The following RALYL variants were observed in gnomAD, a reference collection of about 807,000 sequenced individuals.
RALYL encodes RNA-binding Raly-like protein.
Under a neutral mutation model 35.1 loss-of-function variants are expected in RALYL, and 29 were observed. The observed-to-expected ratio is 0.83, with a 90% CI of 0.61 to 1.13. RALYL has a LOEUF of 1.13. Among genes scored for constraint, RALYL ranks in the 50% most tolerant of loss-of-function variants. The pLI is 0.00. For missense variants in RALYL, 359 were observed against 360.4 expected, an observed-to-expected ratio of 1.00 and a Z score of 0.03; for synonymous variants, 120 against 127.6, an observed-to-expected ratio of 0.94 and a Z score of 0.40.
At position 84,463,250 on chromosome 8, in the gene RALYL, C is replaced by G. The variant is rs375971172; in HGVS notation, c.-23-66049C>G. Among the ~76,000 whole-genome samples the G allele has an allele frequency of 3.3e-5, 5 of 152,118 alleles. No individual in the cohort carries two copies. The East Asian group carries it at 5.8e-4, about 18-fold the overall frequency. On this transcript the variant is annotated intron_variant, in intron 1 of 8. Transcript: ENST00000521268. Reference sequence around the variant, plus strand: ...AGTTACAGACAATTGCTCTAGAGGTCTTCCATTAAGTGTAGTGTAAAATGG... The same window carrying G: ...AGTTACAGACAATTGCTCTAGAGGTGTTCCATTAAGTGTAGTGTAAAATGG...
intron 1 of RALYL, among the ~76,000 whole-genome samples, chr8:84,438,393 T>C (rs1420159957): frequency 2.0e-5 from 3 of 151,984 alleles, no homozygotes; most frequent in Non-Finnish European, 4.4e-5. Flanking sequence ...CTTATTTATT[T>C]ATTTATTTAT....
rs148484080 is a variant in RALYL, at chr8:84,574,331, G to T, written c.256+44754G>T. Reference sequence around the variant, plus strand: ...TGAACTCACCTTTATAGCTCCCACAGTTGTTCTTTGGCTGGCCTTCTGAAG... The same window carrying T: ...TGAACTCACCTTTATAGCTCCCACATTTGTTCTTTGGCTGGCCTTCTGAAG... On this transcript the variant is annotated intron_variant, in intron 2 of 8. Coordinates refer to ENST00000521268, the MANE Select transcript of RALYL (RefSeq NM_173848.7). Among the ~76,000 whole-genome samples the T allele has an allele frequency of 1.9e-3, 289 of 152,076 alleles. 1 individual carries two copies. Among genetic ancestry groups the T allele is most frequent in the African/African-American group, 4.0e-3 (165 of 41,518 alleles).
chr8:84,758,679 C>T (rs1376724669), intron 2 of RALYL, among the ~76,000 whole-genome samples: 1 of 152,108 alleles, frequency 6.6e-6, no homozygotes, highest in Non-Finnish European at 1.5e-5. Flanking sequence ...GAAGGGTAAA[C>T]ACAAGTGCAC....
At chr8:84,754,358 T>C (rs1003847680) in intron 2 of RALYL, among the ~76,000 whole-genome samples, 1 of 152,180 alleles carries the variant, frequency 6.6e-6, no homozygotes, top group Non-Finnish European at 1.5e-5. Flanking sequence ...CTCATGCTGG[T>C]TGTAGGTGGG....
At chr8:84,904,023 G>T (rs571793061) in intron 8 of RALYL, among the ~76,000 whole-genome samples, 46 of 152,202 alleles carry the variant, frequency 3.0e-4, no homozygotes, top group Non-Finnish European at 4.7e-4. Context: ...CTTTTGGGGA[G>T]AAAGGGTTGC....
intron 2 of RALYL, among the ~76,000 whole-genome samples, chr8:84,715,325 A>G (rs1479660100): frequency 2.0e-5 from 3 of 151,882 alleles, no homozygotes; most frequent in African/African-American, 7.2e-5. Context: ...AATTTGTGAT[A>G]CTTCATTTTT....
intron 1 of RALYL, among the ~76,000 whole-genome samples, chr8:84,504,591 C>G (rs1239683478): frequency 6.6e-6 from 1 of 151,974 alleles, no homozygotes; most frequent in East Asian, 1.9e-4. Flanking sequence ...TAGGGAATGG[C>G]TAATCAAATA....
At chr8:84,769,142 A>G (rs917631457) in intron 2 of RALYL, among the ~76,000 whole-genome samples, 1 of 152,204 alleles carries the variant, frequency 6.6e-6, no homozygotes, top group African/African-American at 2.4e-5. Context: ...GCCCTCTACC[A>G]TCATTACAGA....
intron 2 of RALYL, among the ~76,000 whole-genome samples, chr8:84,724,276 T>C (rs1479911018): frequency 2.6e-5 from 4 of 151,802 alleles, no homozygotes; most frequent in Non-Finnish European, 1.5e-5. Context: ...TAATCAGTAG[T>C]CTTCATTCAC....
At chr8:84,711,168 A>G (rs1161695166) in intron 2 of RALYL, among the ~76,000 whole-genome samples, 1 of 152,160 alleles carries the variant, frequency 6.6e-6, no homozygotes, top group Non-Finnish European at 1.5e-5. Context: ...AAAGAGTCCA[A>G]TAAGTAGAGT....
chr8:84,383,722 G>C (rs1246770357), intron 1 of RALYL, among the ~76,000 whole-genome samples: 1 of 150,408 alleles, frequency 6.6e-6, no homozygotes, highest in African/African-American at 2.4e-5. Context: ...TTAAGGTTGG[G>C]ACAACAGCTG....
intron 1 of RALYL, among the ~76,000 whole-genome samples, chr8:84,448,599 A>G (rs1360449864): frequency 1.3e-5 from 2 of 152,050 alleles, no homozygotes; most frequent in South Asian, 2.1e-4. Flanking sequence ...TTCAGTAAGT[A>G]ACTAACTTCA....
At chr8:84,751,063 A>G (rs750551644) in intron 2 of RALYL, among the ~76,000 whole-genome samples, 6 of 152,210 alleles carry the variant, frequency 3.9e-5, no homozygotes, top group Non-Finnish European at 7.3e-5. Context: ...TATCGGCCAT[A>G]TCACTGTGCT....
chr8:84,631,695 G>T (rs1055122332), intron 2 of RALYL, among the ~76,000 whole-genome samples: 5 of 151,696 alleles, frequency 3.3e-5, no homozygotes, highest in Non-Finnish European at 7.4e-5. Flanking sequence ...AAAGAAAGAG[G>T]GTCAGGAACA....
intron 2 of RALYL, 69 bp from the exon 3 acceptor site, chr8:84,774,510 T>A: frequency 1.0e-6 from 1 of 997,116 alleles, no homozygotes; most frequent in Admixed American, 2.5e-5. Flanking sequence ...AAAATAAAAG[T>A]TCATGATTTA....
At chr8:84,789,436 T>C (rs1378335062) in intron 3 of RALYL, among the ~76,000 whole-genome samples, 1 of 152,244 alleles carries the variant, frequency 6.6e-6, no homozygotes, top group Non-Finnish European at 1.5e-5. Context: ...TTAAATGGAA[T>C]TGTAACATAA....
intron 5 of RALYL, among the ~76,000 whole-genome samples, chr8:84,855,904 C>T (rs1041399642): frequency 4.6e-5 from 7 of 152,112 alleles, no homozygotes; most frequent in Non-Finnish European, 1.0e-4. Context: ...AGGCATTGTT[C>T]AATTCTGGAA....
chr8:84,240,593 G>A (rs1371161140), intron 1 of RALYL, among the ~76,000 whole-genome samples: 1 of 152,180 alleles, frequency 6.6e-6, no homozygotes, highest in African/African-American at 2.4e-5. Flanking sequence ...CAGACAGGAT[G>A]TACTATGGCA....
intron 1 of RALYL, among the ~76,000 whole-genome samples, chr8:84,295,951 G>T (rs932609235): frequency 6.6e-6 from 1 of 152,072 alleles, no homozygotes; most frequent in Admixed American, 6.6e-5. Flanking sequence ...TGAGCTAATG[G>T]GGAAAAGCTA....
Sources: allele counts gnomAD v4.1 joint callset (sites outside exome capture counted in the v4.1 genomes callset), GRCh38; gene constraint gnomAD v4.1.1; transcripts MANE v1.5; gene names NCBI Gene and HGNC (gene_info 2026-07-23, HGNC 2026-07-21).